Variants in NUFIP2 observed in about 807,000 individuals in gnomAD.
NUFIP2 encodes the protein nuclear FMR1 interacting protein 2, also known as FMR1-interacting protein NUFIP2.
In NUFIP2, 6 loss-of-function variants were observed where a neutral mutation model predicts 56.9. That is an observed-to-expected ratio of 0.11 (90% confidence interval 0.06 to 0.21). NUFIP2 has a LOEUF of 0.21. NUFIP2 is among the 10% of genes least tolerant of loss of function. NUFIP2 has a pLI of 1.00. For missense variants in NUFIP2, 828 were observed against 826.8 expected (o/e 1.00, Z -0.02); for synonymous variants, 321 against 298.2 (o/e 1.08, Z -0.79).
intron 2 of NUFIP2, 52 bp from the exon 3 acceptor site, chr17:29,267,582 A>AGTTTTGGTG: frequency 1.8e-6 from 2 of 1,115,080 alleles, no homozygotes; most frequent in East Asian, 2.5e-5. Flanking sequence ...GCAAAGTCTG[A>AGTTTTGGTG]AGCGATGCTT....
intron 3 of NUFIP2, among the ~76,000 whole-genome samples, chr17:29,265,514 G>A (rs1045053644): frequency 6.8e-6 from 1 of 147,390 alleles, no homozygotes; most frequent in African/African-American, 2.5e-5. Context: ...GTGTTAGCCA[G>A]GATGGTCTCG....
rs181093719 is a variant in NUFIP2, at chr17:29,260,053, T to G, written c.*4486A>C. ...GAATCTTGGTGCTCTGTTGATTAAT[T>G]ACATTAGTAAAAATAACATCGATAT... On this transcript the variant is annotated 3_prime_UTR_variant, in exon 4 of 4. Coordinates refer to ENST00000225388, the MANE Select transcript of NUFIP2 (RefSeq NM_020772.3). The G allele has an allele frequency of 6.6e-6, 1 of 152,344 alleles. No homozygotes were observed. Among genetic ancestry groups the G allele is most frequent in the African/African-American group, 2.4e-5 (1 of 41,578 alleles). The allele number at this position is 152,344 out of a possible 1,614,324, so 9.4% of individuals were successfully genotyped here.
intron 1 of NUFIP2, among the ~76,000 whole-genome samples, chr17:29,290,689 A>C (rs971612747): frequency 6.7e-6 from 1 of 149,960 alleles, no homozygotes; most frequent in East Asian, 2.0e-4. Context: ...AGAAAGAAAG[A>C]AAAGCATAAA....
At chr17:29,269,896 A>AT (rs1260387188) in intron 2 of NUFIP2, among the ~76,000 whole-genome samples, 2 of 151,758 alleles carry the variant, frequency 1.3e-5, no homozygotes, top group African/African-American at 4.8e-5. Context: ...AATTTTTTGT[A>AT]TTTTTAGTAG....
At chr17:29,288,321 A>G (rs550611333) in intron 1 of NUFIP2, among the ~76,000 whole-genome samples, 2 of 152,258 alleles carry the variant, frequency 1.3e-5, no homozygotes, top group African/African-American at 2.4e-5. Context: ...CTAGGATTAC[A>G]GGCGTGAGCC....
intron 2 of NUFIP2, among the ~76,000 whole-genome samples, chr17:29,282,776 A>G (rs2069148320): frequency 6.6e-6 from 1 of 152,194 alleles, no homozygotes; most frequent in East Asian, 1.9e-4. Flanking sequence ...ACATCTGAAA[A>G]CTACACTAAA....
chr17:29,275,097 CA>C, intron 2 of NUFIP2, among the ~76,000 whole-genome samples: 1 of 152,144 alleles, frequency 6.6e-6, no homozygotes, highest in Non-Finnish European at 1.5e-5. Context: ...CGGCTCACTG[CA>C]ACCTCCACCT....
At chr17:29,272,101 G>A (rs1299306645) in intron 2 of NUFIP2, among the ~76,000 whole-genome samples, 1 of 131,962 alleles carries the variant, frequency 7.6e-6, no homozygotes, top group Admixed American at 7.7e-5. Context: ...GAGGGGAGGG[G>A]AGGGGAGAAG....
chr17:29,284,720 A>AAG (rs1555548966), intron 2 of NUFIP2, among the ~76,000 whole-genome samples: 7 of 150,460 alleles, frequency 4.7e-5, no homozygotes, highest in African/African-American at 1.7e-4. Context: ...AAAAAAAAAA[A>AAG]AAAAAAAGAA....
rs2068985354 is a variant in NUFIP2 at position 29,258,800 on chromosome 17, G to A, written c.*5739C>T. Reference sequence around the variant, plus strand: ...TCAAAGCAACCTATGGTATATGTATGGTATATAGTAATGTAAAAAGTGCAT... The same window carrying A: ...TCAAAGCAACCTATGGTATATGTATAGTATATAGTAATGTAAAAAGTGCAT... On this transcript the variant is annotated 3_prime_UTR_variant, in exon 4 of 4. Coordinates refer to ENST00000225388, the MANE Select transcript of NUFIP2 (RefSeq NM_020772.3). The A allele has an allele frequency of 6.6e-6, 1 of 152,068 alleles. No individual in the cohort carries two copies. The highest frequency in any genetic ancestry group is 1.5e-5 in the Non-Finnish European group (1 of 68,022). The allele number at this position is 152,068 out of a possible 1,614,324, so 9.4% of individuals were successfully genotyped here. A position where few individuals can be genotyped will look rare whatever the true frequency, so the allele number is the denominator to read the frequency against.
intron 3 of NUFIP2, among the ~76,000 whole-genome samples, chr17:29,265,148 A>G (rs1009472519): frequency 6.6e-6 from 1 of 152,202 alleles, no homozygotes; most frequent in African/African-American, 2.4e-5. Flanking sequence ...TCTCAGCACT[A>G]ACAAAAGACT....
At chr17:29,276,856 TCAA>T (rs1352010192) in intron 2 of NUFIP2, among the ~76,000 whole-genome samples, 1 of 152,122 alleles carries the variant, frequency 6.6e-6, no homozygotes, top group Non-Finnish European at 1.5e-5. Context: ...TTGCTCACAC[TCAA>T]CTTCTTCTGA....
intron 3 of NUFIP2, among the ~76,000 whole-genome samples, chr17:29,267,181 G>A (rs2069042554): frequency 1.3e-5 from 2 of 151,644 alleles, no homozygotes; most frequent in Non-Finnish European, 1.5e-5. Context: ...TAGGATTACA[G>A]GCGTGAGCCA....
intron 2 of NUFIP2, among the ~76,000 whole-genome samples, chr17:29,273,095 A>G (rs1003916881): frequency 2.6e-5 from 4 of 151,770 alleles, no homozygotes; most frequent in Non-Finnish European, 5.9e-5. Context: ...GCTGGAGTGC[A>G]ATGGTGAGAT....
intron 1 of NUFIP2, among the ~76,000 whole-genome samples, chr17:29,290,727 T>C (rs1177100602): frequency 6.6e-6 from 1 of 151,988 alleles, no homozygotes; most frequent in Non-Finnish European, 1.5e-5. Context: ...CTTCTCATCA[T>C]TTTTAACAGA....
intron 2 of NUFIP2, among the ~76,000 whole-genome samples, chr17:29,273,769 C>T (rs1156422527): frequency 2.0e-5 from 3 of 152,188 alleles, no homozygotes; most frequent in African/African-American, 7.2e-5. Flanking sequence ...AAACCACTAC[C>T]ACCACCCAAT....
rs1216140223 is a variant in NUFIP2 at position 29,287,178 on chromosome 17, T to C, written c.816A>G (p.Arg272=). The change falls in exon 2 of 4, where the codon CGA becomes CGG. Residue 272 remains arginine, a synonymous_variant. Transcript: ENST00000225388. The part of the protein sequence containing the change: ...KPDYSEQKGN[R]VDGSKPIWKY... ...TCCAAATGGGCTTCGAACCATCTAC[T>C]CGATTTCCCTTTTGTTCACTATAGT... 3 of 1,614,202 alleles carry C rather than the reference T, an allele frequency of 1.9e-6. No homozygotes were observed. In the East Asian group the frequency reaches 6.7e-5, roughly 36 times the overall value.
At chr17:29,291,747 C>T (rs913782316) in intron 1 of NUFIP2, among the ~76,000 whole-genome samples, 1 of 152,172 alleles carries the variant, frequency 6.6e-6, no homozygotes, top group Admixed American at 6.5e-5. Context: ...TGAACAAGAT[C>T]TAATGCTAAA....
rs143560518 is a variant in NUFIP2, at chr17:29,263,660, C to T, written c.*879G>A. 18 of 152,684 alleles carry T rather than the reference C, an allele frequency of 1.2e-4. No individual in the cohort carries two copies. Among genetic ancestry groups the T allele is most frequent in the African/African-American group, 4.1e-4 (17 of 41,538 alleles). 9.5% of individuals were successfully genotyped at this position (152,684 alleles called of 1,614,324 possible). On this transcript the variant is annotated 3_prime_UTR_variant, in exon 4 of 4. Transcript: ENST00000225388. ...AGTTGAAAAGCAGAATATATTTTTG[C>T]TCCCAGTTATACAATTACATTAAAA...
Sources: allele counts gnomAD v4.1 joint callset (sites outside exome capture counted in the v4.1 genomes callset), GRCh38; gene constraint gnomAD v4.1.1; transcripts MANE v1.5; gene names NCBI Gene and HGNC (gene_info 2026-07-23, HGNC 2026-07-21).